CHRNB3: variants seen among roughly 807,000 people sequenced by gnomAD.
CHRNB3 encodes the protein neuronal acetylcholine receptor subunit beta-3.
CHRNB3 carries 37 observed loss-of-function variants against 40.6 expected under a neutral mutation model. That is an observed-to-expected ratio of 0.91 (90% CI 0.70 to 1.20). The LOEUF (loss-of-function observed/expected upper bound fraction) is 1.20. CHRNB3 is among the 50% of genes most tolerant of loss of function. The probability of loss-of-function intolerance (pLI) is 0.00; values close to 1 mark genes in which losing one functional copy is unlikely to be tolerated. For synonymous variants in CHRNB3, 207 were observed against 207.1 expected, an observed-to-expected ratio of 1.00 and a Z score of 0.00; for missense variants, 505 against 551.2, an observed-to-expected ratio of 0.92 and a Z score of 0.84.
intron 3 of CHRNB3, among the ~76,000 whole-genome samples, chr8:42,718,879 A>G (rs538245187): frequency 6.6e-5 from 10 of 152,076 alleles, no homozygotes; most frequent in South Asian, 2.1e-4. Flanking sequence ...TGAAATTGCA[A>G]TTTTCTGAAT....
Position 42,697,381 on chromosome 8 carries a change from C to T in CHRNB3, c.-166C>T. The T allele has an allele frequency of 6.8e-6, 4 of 590,726 alleles. No individual in the cohort carries two copies. The highest frequency in any genetic ancestry group is 2.8e-5 in the Admixed American group (1 of 35,764). The allele number at this position is 590,726 out of a possible 1,614,324, so 36.6% of individuals were successfully genotyped here. ...AGTGCACTTTGAGAAGCGGCACACTCGGCGAGAGGGGTTGAGATTGTTTTA... is the reference window on the plus strand; with the variant it reads ...AGTGCACTTTGAGAAGCGGCACACTTGGCGAGAGGGGTTGAGATTGTTTTA... On this transcript the variant is annotated 5_prime_UTR_variant, in exon 1 of 6. Transcript: ENST00000289957.
chr8:42,727,308 A>T (rs1234938768), intron 3 of CHRNB3, among the ~76,000 whole-genome samples: 2 of 149,822 alleles, frequency 1.3e-5, no homozygotes, highest in African/African-American at 4.9e-5. Context: ...GGGAGGTGGA[A>T]GTTGCAGTGA....
intron 5 of CHRNB3, among the ~76,000 whole-genome samples, chr8:42,734,462 G>A (rs192976517): frequency 1.4e-5 from 2 of 143,430 alleles, no homozygotes; most frequent in Non-Finnish European, 3.0e-5. Context: ...CTCTGTCACC[G>A]AGGCTGTAGT....
At chr8:42,727,647 G>A (rs550701161) in intron 3 of CHRNB3, among the ~76,000 whole-genome samples, 2 of 152,130 alleles carry the variant, frequency 1.3e-5, no homozygotes, top group East Asian at 1.9e-4. Flanking sequence ...GGTGGGCCAC[G>A]AGGTCAAGAG....
At chr8:42,703,440 T>TAAAAAAAAA (rs1554589400) in intron 1 of CHRNB3, among the ~76,000 whole-genome samples, 7 of 80,696 alleles carry the variant, frequency 8.7e-5, no homozygotes, top group Non-Finnish European at 1.8e-4. Flanking sequence ...AAAAAAATAT[T>TAAAAAAAAA]TATATATATA....
intron 3 of CHRNB3, among the ~76,000 whole-genome samples, chr8:42,714,222 G>A (rs1164081045): frequency 2.6e-5 from 4 of 152,144 alleles, no homozygotes; most frequent in East Asian, 1.9e-4. Context: ...TTGGCCGGGC[G>A]TGGTGGCTCA....
At chr8:42,698,379 G>A (rs749159981) in intron 1 of CHRNB3, among the ~76,000 whole-genome samples, 4 of 152,148 alleles carry the variant, frequency 2.6e-5, no homozygotes, top group Admixed American at 1.3e-4. Flanking sequence ...ATCTGAAACC[G>A]CAGCCAGATG....
intron 1 of CHRNB3, among the ~76,000 whole-genome samples, chr8:42,699,065 C>T (rs1169284282): frequency 6.6e-6 from 1 of 152,236 alleles, no homozygotes; most frequent in Non-Finnish European, 1.5e-5. Flanking sequence ...GATCCATCAG[C>T]ATCTGCTCAT....
intron 4 of CHRNB3, among the ~76,000 whole-genome samples, 188 bp from the exon 5 acceptor site, chr8:42,731,479 C>T (rs1342383328): frequency 1.3e-5 from 2 of 152,132 alleles, no homozygotes; most frequent in African/African-American, 4.8e-5. Flanking sequence ...TGCTTGAACC[C>T]GGGAGGCGGA....
At chr8:42,704,227 C>T (rs1815879574) in intron 1 of CHRNB3, 1 of 152,210 alleles carries the variant, frequency 6.6e-6, no homozygotes, top group African/African-American at 2.4e-5. Context: ...GCGCCTCCTC[C>T]TTATAGGCTC....
intron 3 of CHRNB3, among the ~76,000 whole-genome samples, chr8:42,711,024 T>C (rs1361365774): frequency 1.3e-5 from 2 of 152,234 alleles, no homozygotes; most frequent in African/African-American, 2.4e-5. Flanking sequence ...TCTTAGATAA[T>C]TGCTTTTAGC....
chr8:42,716,312 C>T (rs1816104135), intron 3 of CHRNB3, among the ~76,000 whole-genome samples: 1 of 152,006 alleles, frequency 6.6e-6, no homozygotes, highest in Non-Finnish European at 1.5e-5. Context: ...AAGGGTTGGC[C>T]GTTTTGCCTA....
At chr8:42,704,087 T>C (rs986812836) in intron 1 of CHRNB3, among the ~76,000 whole-genome samples, 1 of 152,212 alleles carries the variant, frequency 6.6e-6, no homozygotes, top group African/African-American at 2.4e-5. Context: ...AAAACAGACA[T>C]TTATTTTCTC....
chr8:42,730,537 C>T, intron 3 of CHRNB3, 57 bp from the exon 4 acceptor site: 3 of 1,072,596 alleles, frequency 2.8e-6, no homozygotes, highest in Non-Finnish European at 4.1e-6. Flanking sequence ...TTGAAGATTT[C>T]AAGATCTAAT....
intron 3 of CHRNB3, among the ~76,000 whole-genome samples, chr8:42,727,898 C>G (rs57521649): frequency 0.057 from 8,712 of 152,098 alleles, 329 homozygotes; most frequent in Middle Eastern, 0.11. Context: ...AAATTTCTAG[C>G]AGAAAGCATA....
At position 42,720,111 on chromosome 8, in the gene CHRNB3, C is replaced by CTTTTTTTTTTTTTT. The variant is rs869178430; in HGVS notation, c.249+9698_249+9711dup. On this transcript the variant is annotated intron_variant, in intron 3 of 5. Coordinates refer to ENST00000289957, the MANE Select transcript of CHRNB3 (RefSeq NM_000749.5). Reference sequence around the variant, plus strand: ...CAACCCTGCCCCACTCAGAAGCCTTCTTTTTTTTTTTTTTTTTTTTTTTTT... The same window carrying CTTTTTTTTTTTTTT: ...CAACCCTGCCCCACTCAGAAGCCTTCTTTTTTTTTTTTTTTTTTTTTTTTTTTTTTTTTTTTTTT... Among the ~76,000 whole-genome samples, 2 of 48,746 alleles carry CTTTTTTTTTTTTTT rather than the reference C, an allele frequency of 4.1e-5. 1 individual carries two copies. Among genetic ancestry groups the CTTTTTTTTTTTTTT allele is most frequent in the Non-Finnish European group, 7.3e-5 (2 of 27,528 alleles). 32.0% of individuals were successfully genotyped at this position (48,746 alleles called of 152,430 possible).
Position 42,697,435 on chromosome 8 carries a change from G to C in CHRNB3, c.-112G>C, listed in dbSNP as rs1424308068. 28 of 847,774 alleles carry C rather than the reference G, an allele frequency of 3.3e-5. No homozygotes were observed. The allele number at this position is 847,774 out of a possible 1,614,324, so 52.5% of individuals were successfully genotyped here. ...CACTCCAGGTGTTGCTGTCCTCTTG[G>C]GTTCCACTTCGGATTTTGAACCCCT... On this transcript the variant is annotated 5_prime_UTR_variant, in exon 1 of 6. Coordinates refer to ENST00000289957, the MANE Select transcript of CHRNB3 (RefSeq NM_000749.5).
In CHRNB3 at chr8:42,707,597, C is replaced by T. The variant is rs577010473; in HGVS notation, c.53-1120C>T. ...CTTCCTTGTTTTAAATGTGATAGCA[C>T]GGCATTGTAAGGAAATAGAACTCTA... is the stretch of plus-strand genomic sequence containing the variant. On this transcript the variant is annotated intron_variant, in intron 1 of 5. Transcript: ENST00000289957. Among the ~76,000 whole-genome samples, 34 of 152,200 alleles carry T rather than the reference C, an allele frequency of 2.2e-4. No individual in the cohort carries two copies. In the South Asian group the frequency reaches 4.6e-3, roughly 20 times the overall value.
At position 42,733,796 on chromosome 8, in the gene CHRNB3, A is replaced by G. The variant is rs944915960; in HGVS notation, c.1242+1247A>G. Among the ~76,000 whole-genome samples the G allele has an allele frequency of 6.6e-5, 10 of 150,920 alleles. No individual in the cohort carries two copies. In the East Asian group the frequency reaches 2.0e-3, roughly 30 times the overall value. On this transcript the variant is annotated intron_variant, in intron 5 of 5. Transcript: ENST00000289957. ...TTTTCATTAGAGATGGGGTTTTGCC[A>G]TGTTGGCCAGAATGGTCTCGAACTC...
Sources: allele counts gnomAD v4.1 joint callset (sites outside exome capture counted in the v4.1 genomes callset), GRCh38; gene constraint gnomAD v4.1.1; transcripts MANE v1.5; gene names NCBI Gene and HGNC (gene_info 2026-07-23, HGNC 2026-07-21).